The following SORCS2 variants were observed in gnomAD, a reference collection of about 807,000 sequenced individuals.
The protein encoded by SORCS2 is sortilin related VPS10 domain containing receptor 2.
SORCS2 carries 100 observed loss-of-function variants against 141.6 expected under a neutral mutation model. The observed-to-expected ratio is 0.71, with a 90% CI of 0.60 to 0.83. The LOEUF (loss-of-function observed/expected upper bound fraction) is 0.83. Ranked by LOEUF, SORCS2 falls within the 40% of genes least tolerant of loss-of-function variation. The probability of loss-of-function intolerance (pLI) is 0.00; values close to 1 mark genes in which losing one functional copy is unlikely to be tolerated. For missense variants in SORCS2, 1,646 were observed against 1,560.2 expected, an observed-to-expected ratio of 1.05 and a Z score of -0.93; for synonymous variants, 789 against 676.9, an observed-to-expected ratio of 1.17 and a Z score of -2.57.
At chr4:7,215,308 C>A (rs1728271272) in intron 1 of SORCS2, among the ~76,000 whole-genome samples, 1 of 152,192 alleles carries the variant, frequency 6.6e-6, no homozygotes, top group Non-Finnish European at 1.5e-5. Flanking sequence ...GGTCCCCCAG[C>A]AGTGCCAGCC....
chr4:7,204,429 G>T (rs1326971813), intron 1 of SORCS2, among the ~76,000 whole-genome samples: 2 of 152,008 alleles, frequency 1.3e-5, no homozygotes, highest in African/African-American at 2.4e-5. Flanking sequence ...TATTGCCCAG[G>T]CTGGTCTTAA....
intron 1 of SORCS2, among the ~76,000 whole-genome samples, chr4:7,196,781 GATATTTGTGT>G (rs1182195057): frequency 3.3e-5 from 5 of 152,090 alleles, no homozygotes; most frequent in Non-Finnish European, 7.3e-5. Context: ...TGATGAACCC[GATATTTGTGT>G]ATATTTTATA....
intron 1 of SORCS2, among the ~76,000 whole-genome samples, chr4:7,387,535 G>GGA (rs1332530648): frequency 3.5e-3 from 160 of 45,150 alleles, no homozygotes; most frequent in African/African-American, 0.024. Flanking sequence ...ATGCACACAT[G>GGA]CACACACATG....
chr4:7,641,950 T>C (rs1236402059), intron 4 of SORCS2, among the ~76,000 whole-genome samples: 1 of 138,610 alleles, frequency 7.2e-6, no homozygotes, highest in Non-Finnish European at 1.5e-5. Context: ...GATGGATGAA[T>C]GGATGGATGG....
intron 3 of SORCS2, among the ~76,000 whole-genome samples, chr4:7,602,966 G>A (rs1321989552): frequency 2.0e-5 from 3 of 152,210 alleles, no homozygotes; most frequent in Non-Finnish European, 2.9e-5. Context: ...AGACCAGCCC[G>A]ACCAACATGG....
chr4:7,727,903 T>C (rs1727335097), intron 21 of SORCS2, among the ~76,000 whole-genome samples: 2 of 152,198 alleles, frequency 1.3e-5, no homozygotes, highest in Admixed American at 1.3e-4. Flanking sequence ...ACTCTTAATC[T>C]GGTGGGAGGA....
In SORCS2 at chr4:7,597,997, C is replaced by T. The variant is rs186437624; in HGVS notation, c.649-40331C>T. On this transcript the variant is annotated intron_variant, in intron 3 of 26. Transcript: ENST00000507866. ...TTTTTTTTTTTTTTTAATATGGAGT[C>T]TTGCCCTGTTGCCCAGGCTGGAGTG... Among the ~76,000 whole-genome samples the T allele has an allele frequency of 1.2e-3, 162 of 129,816 alleles. 2 individuals are homozygous for T. The East Asian group carries it at 0.034, about 27-fold the overall frequency. The allele number at this position is 129,816 out of a possible 152,430, so 85.2% of individuals were successfully genotyped here. A position where few individuals can be genotyped will look rare whatever the true frequency, so the allele number is the denominator to read the frequency against.
At chr4:7,527,650 G>A (rs952299747) in intron 2 of SORCS2, among the ~76,000 whole-genome samples, 4 of 152,184 alleles carry the variant, frequency 2.6e-5, no homozygotes, top group African/African-American at 7.2e-5. Flanking sequence ...TGCTGAGTCT[G>A]TGGGCCTTTG....
intron 3 of SORCS2, among the ~76,000 whole-genome samples, chr4:7,557,314 G>A (rs1425478997): frequency 6.6e-6 from 1 of 152,004 alleles, no homozygotes; most frequent in Non-Finnish European, 1.5e-5. Flanking sequence ...GGCAGATTGG[G>A]GAGAGTGGCA....
At chr4:7,377,878 C>T (rs962930217) in intron 1 of SORCS2, among the ~76,000 whole-genome samples, 3 of 152,194 alleles carry the variant, frequency 2.0e-5, no homozygotes, top group Admixed American at 6.5e-5. Context: ...CTCGTCCTTC[C>T]GTGGAAGATA....
At chr4:7,225,821 C>T (rs778949352) in intron 1 of SORCS2, among the ~76,000 whole-genome samples, 10 of 152,190 alleles carry the variant, frequency 6.6e-5, no homozygotes, top group Non-Finnish European at 1.3e-4. Flanking sequence ...GGTGTCCGTA[C>T]AGCAGTGGGA....
chr4:7,199,158 G>A (rs181537245), intron 1 of SORCS2, among the ~76,000 whole-genome samples: 1 of 152,322 alleles, frequency 6.6e-6, no homozygotes, highest in Non-Finnish European at 1.5e-5. Context: ...TTTCGTCATC[G>A]TGTTTCGGGT....
chr4:7,222,801 C>T (rs913874017), intron 1 of SORCS2, among the ~76,000 whole-genome samples: 5 of 151,954 alleles, frequency 3.3e-5, no homozygotes, highest in East Asian at 1.9e-4. Context: ...GTGCTGGGCA[C>T]GGCAGCTGTG....
chr4:7,530,293 G>A (rs148623469), intron 2 of SORCS2, among the ~76,000 whole-genome samples: 965 of 152,344 alleles, frequency 6.3e-3, no homozygotes, highest in Non-Finnish European at 0.01. Context: ...GGCCACACAC[G>A]TCAGTGCAGG....
At chr4:7,624,785 C>G (rs192651616) in intron 3 of SORCS2, among the ~76,000 whole-genome samples, 1 of 152,356 alleles carries the variant, frequency 6.6e-6, no homozygotes, top group East Asian at 1.9e-4. Context: ...CCCAAGCAAA[C>G]AGGCTTTTTA....
At chr4:7,381,540 C>T (rs531038148) in intron 1 of SORCS2, among the ~76,000 whole-genome samples, 11 of 152,318 alleles carry the variant, frequency 7.2e-5, no homozygotes, top group African/African-American at 1.2e-4. Context: ...GGCTGTCCCC[C>T]GTGAGTGTGG....
In SORCS2 at chr4:7,434,216, C is replaced by T. The variant is rs191622242; in HGVS notation, c.548+37861C>T. 78 of 1,613,712 alleles carry T rather than the reference C, an allele frequency of 4.8e-5. No individual in the cohort carries two copies. The highest frequency in any genetic ancestry group is 2.3e-4 in the African/African-American group (17 of 75,060). ...TGGAAGAGGTAGTTCTTGCAGAGGACGGCCAGGCCAGGCCCCAAGGACTCA... is the reference window on the plus strand; with the variant it reads ...TGGAAGAGGTAGTTCTTGCAGAGGATGGCCAGGCCAGGCCCCAAGGACTCA... On this transcript the variant is annotated intron_variant, in intron 2 of 26. Coordinates refer to ENST00000507866, the MANE Select transcript of SORCS2 (RefSeq NM_020777.3).
intron 2 of SORCS2, among the ~76,000 whole-genome samples, chr4:7,416,807 C>T (rs574252679): frequency 5.9e-5 from 9 of 152,012 alleles, no homozygotes; most frequent in African/African-American, 2.2e-4. Flanking sequence ...CACAAACATG[C>T]ATGCATGTAC....
At chr4:7,511,633 G>A (rs780611796) in intron 2 of SORCS2, among the ~76,000 whole-genome samples, 28 of 152,162 alleles carry the variant, frequency 1.8e-4, no homozygotes, top group Non-Finnish European at 2.6e-4. Context: ...TGGCCTGGGC[G>A]TGGCCCCGTG....
Sources: gnomAD v4.1 joint callset for allele counts (sites outside exome capture counted in the v4.1 genomes callset) on GRCh38, gnomAD v4.1.1 for gene constraint, MANE v1.5 for transcripts, NCBI Gene and HGNC (gene_info 2026-07-23, HGNC 2026-07-21) for gene names.